Variants in MEGF8 observed in about 807,000 individuals in gnomAD.
MEGF8 encodes the protein multiple epidermal growth factor-like domains protein 8.
MEGF8 carries 156 observed loss-of-function variants against 302.9 expected under a neutral mutation model. The observed-to-expected ratio is 0.52, with a 90% CI of 0.45 to 0.59. The LOEUF (loss-of-function observed/expected upper bound fraction) is 0.59. Among genes scored for constraint, MEGF8 ranks in the 20% least tolerant of loss-of-function variants. The pLI is 0.00. For synonymous variants in MEGF8, 1,621 were observed against 1,660.5 expected, an observed-to-expected ratio of 0.98 and a Z score of 0.58; for missense variants, 3,345 against 3,964.5, an observed-to-expected ratio of 0.84 and a Z score of 4.20.
Position 42,368,587 on chromosome 19 carries a change from T to A in MEGF8, c.6406T>A (p.Cys2136Ser). The A allele has an allele frequency of 6.3e-7, 1 of 1,578,966 alleles. No individual in the cohort carries two copies. Residue 2136 changes from cysteine to serine, a missense_variant, in exon 36 of 42, where the codon TGC becomes AGC. Physicochemically the swap from Cys to Ser is moderately radical, Grantham distance 112. Coordinates refer to ENST00000251268, the MANE Select transcript of MEGF8 (RefSeq NM_001271938.2). The surrounding 1 kb of genome is among the most constrained non-coding windows in gnomAD (Gnocchi z 4.9). Reference sequence around the variant, plus strand: ...CGCCTTGTGCCTGCGGCGCCCCCATTGCGGCTGGTGTGCCTGGGGGGGCCA... The same window carrying A: ...CGCCTTGTGCCTGCGGCGCCCCCATAGCGGCTGGTGTGCCTGGGGGGGCCA... ...QCALCLRRPH[C>S]GWCAWGGQDG...
In MEGF8 at chr19:42,360,716, TG is replaced by T; in HGVS notation, c.5489-56del. The T allele has an allele frequency of 7.1e-6, 11 of 1,545,632 alleles. No homozygotes were observed. The South Asian group carries it at 1.2e-4, about 17-fold the overall frequency. The stretch of plus-strand genomic sequence containing the variant: ...TCCTTCTCTGACTGGCATCATGGTG[TG>T]GGTCTCTTCCTGGAGTCTCCTGCTC... On this transcript the variant is annotated intron_variant, in intron 31 of 41. Transcript: ENST00000251268.
At position 42,340,631 on chromosome 19, in the gene MEGF8, C is replaced by T. The variant is rs185986187; in HGVS notation, c.1514-2846C>T. On this transcript the variant is annotated intron_variant, in intron 8 of 41. Transcript: ENST00000251268. ...TGCTAGGATTATAAGCATGAGCCAC[C>T]GTGCCCGGCCAGGCATTATTATTAT... Among the ~76,000 whole-genome samples, 6 of 152,124 alleles carry T rather than the reference C, an allele frequency of 3.9e-5. No individual in the cohort carries two copies. The East Asian group carries it at 5.8e-4, about 15-fold the overall frequency.
At position 42,326,363 on chromosome 19, in the gene MEGF8, G is replaced by A. The variant is rs2038983612; in HGVS notation, c.120G>A (p.Ala40=). Residue 40 remains alanine, a synonymous_variant, in exon 1 of 42, where the codon GCG becomes GCA. Coordinates refer to ENST00000251268, the MANE Select transcript of MEGF8 (RefSeq NM_001271938.2). Reference sequence around the variant, plus strand: ...GGCAGCGGCAGGTGCTGCGGGAGGCGCCAGGCTTCGTGACGGATGGTGCGG... The same window carrying A: ...GGCAGCGGCAGGTGCTGCGGGAGGCACCAGGCTTCGTGACGGATGGTGCGG... ...CKGQRQVLRE[A]PGFVTDGAGN... is the part of the protein sequence containing the mutation. 1.3e-6 allele frequency: 2 copies of A among 1,587,874 alleles called. No individual in the cohort carries two copies. Among genetic ancestry groups the A allele is most frequent in the Admixed American group, 1.8e-5 (1 of 54,368 alleles).
chr19:42,362,244 C>T, intron 33 of MEGF8, 31 bp downstream of exon 33: 1 of 1,609,698 alleles, frequency 6.2e-7, no homozygotes, highest in Non-Finnish European at 8.5e-7. Context: ...GGATGAGAAG[C>T]AGCAGGTGTA....
Position 42,368,760 on chromosome 19 carries a change from T to C in MEGF8, c.6482-83T>C. 1 of 1,563,000 alleles carries C rather than the reference T, an allele frequency of 6.4e-7. No homozygotes were observed. Among genetic ancestry groups the C allele is most frequent in the Non-Finnish European group, 8.7e-7 (1 of 1,154,740 alleles). On this transcript the variant is annotated intron_variant, in intron 36 of 41. Coordinates refer to ENST00000251268, the MANE Select transcript of MEGF8 (RefSeq NM_001271938.2). This position sits in a 1 kb window ranked among gnomAD's most constrained non-coding sequence, Gnocchi z 4.9. ...ACTGGGCCAGACCCAGAGGTGGGGC[T>C]CAGAGGAGGCAGGAGGGAGGGCCTA...
At chr19:42,346,172 T>C (rs2039286144) in intron 12 of MEGF8, among the ~76,000 whole-genome samples, 1 of 152,180 alleles carries the variant, frequency 6.6e-6, no homozygotes, top group Admixed American at 6.5e-5. Context: ...AGTGCTGGGA[T>C]TACAGGCATG....
In MEGF8 at chr19:42,351,787, G is replaced by C. The variant is rs2039377939; in HGVS notation, c.3101+26G>C. On this transcript the variant is annotated intron_variant, in intron 18 of 41. Transcript: ENST00000251268. This position sits in a 1 kb window ranked among gnomAD's most constrained non-coding sequence, Gnocchi z 5.6. ...GTGAGCCCGGGCAGGTGGGTGGGCA[G>C]GGTGCCCGGCTGTGTCCTTCCTCCA... 2 of 1,542,154 alleles carry C rather than the reference G, an allele frequency of 1.3e-6. No individual in the cohort carries two copies. The highest frequency in any genetic ancestry group is 2.4e-5 in the East Asian group (1 of 41,112).
At chr19:42,359,311 C>T in intron 31 of MEGF8, 69 bp downstream of exon 31, 2 of 1,425,502 alleles carry the variant, frequency 1.4e-6, no homozygotes, top group Non-Finnish European at 1.9e-6. Context: ...CATCCTGGGA[C>T]TCCCACTCCT....
At position 42,359,091 on chromosome 19, in the gene MEGF8, C is replaced by T. The variant is rs777388351; in HGVS notation, c.5344-7C>T. The T allele has an allele frequency of 2.0e-6, 3 of 1,516,186 alleles. No homozygotes were observed. The highest frequency in any genetic ancestry group is 1.8e-6 in the Non-Finnish European group (2 of 1,129,660). The allele number at this position is 1,516,186 out of a possible 1,614,324, so 93.9% of individuals were successfully genotyped here. On this transcript the variant is annotated splice_polypyrimidine_tract_variant and splice_region_variant and intron_variant, in intron 30 of 41. Transcript: ENST00000251268. ...TCCTGTCCCCCCACCCCCCGTCTCC[C>T]CAACAGCCCCGCCCCCGGCTTTTCC...
chr19:42,335,437 G>A, intron 5 of MEGF8, 52 bp downstream of exon 5: 1 of 1,571,532 alleles, frequency 6.4e-7, no homozygotes, highest in Non-Finnish European at 8.7e-7. Context: ...ATCAGACCCA[G>A]CCGGGGACCC....
intron 12 of MEGF8, among the ~76,000 whole-genome samples, chr19:42,347,493 T>A (rs937151904): frequency 6.7e-6 from 1 of 150,126 alleles, no homozygotes; most frequent in Non-Finnish European, 1.5e-5. Flanking sequence ...GTTTTTTGTA[T>A]TTTTTTTGTT....
intron 13 of MEGF8, 86 bp downstream of exon 13, chr19:42,348,558 G>C (rs1054704669): frequency 1.0e-5 from 13 of 1,304,234 alleles, no homozygotes; most frequent in Non-Finnish European, 1.3e-5. Flanking sequence ...GTGATTTGAA[G>C]GTTCTGGGGA....
chr19:42,334,572 T>TA (rs1214118080), intron 3 of MEGF8, among the ~76,000 whole-genome samples: 1 of 152,086 alleles, frequency 6.6e-6, no homozygotes, highest in African/African-American at 2.4e-5. Flanking sequence ...CCACTGACCT[T>TA]ACGCCGAAGC....
chr19:42,350,221 T>A lies in MEGF8; in HGVS notation c.2573T>A (p.Leu858Ter). 6.2e-7 allele frequency: 1 copy of A among 1,613,512 alleles called. No homozygotes were observed. The highest frequency in any genetic ancestry group is 8.5e-7 in the Non-Finnish European group (1 of 1,179,868). Residue 858 changes from leucine to a stop codon, truncating the protein, a stop_gained, in exon 15 of 42, where the codon TTG becomes TAG. Coordinates refer to ENST00000251268, the MANE Select transcript of MEGF8 (RefSeq NM_001271938.2). LOFTEE classifies it high-confidence loss of function. ...CTSYSSCLGC[L>*]ADQGCGWCLT... ...TCCTATTCTTCCTGCCTGGGCTGCT[T>A]GGCAGACCAGGGCTGTGGCTGGTGC...
intron 12 of MEGF8, among the ~76,000 whole-genome samples, chr19:42,346,807 G>A (rs2039295444): frequency 6.6e-6 from 1 of 151,800 alleles, no homozygotes; most frequent in Admixed American, 6.6e-5. Context: ...ACACAGTGAA[G>A]CCCTGTCTCT....
Position 42,336,485 on chromosome 19 carries a change from T to A in MEGF8, c.1244+139T>A. 1 of 928,006 alleles carries A rather than the reference T, an allele frequency of 1.1e-6. No homozygotes were observed. The highest frequency in any genetic ancestry group is 2.7e-5 in the East Asian group (1 of 37,364). The allele number at this position is 928,006 out of a possible 1,614,324, so 57.5% of individuals were successfully genotyped here. A position where few individuals can be genotyped will look rare whatever the true frequency, so the allele number is the denominator to read the frequency against. ...ACTCCTTCCTTCATGTATTTACTTA[T>A]TCCTTCGTTCACTCATTCATTCATT... On this transcript the variant is annotated intron_variant, in intron 6 of 41. Coordinates refer to ENST00000251268, the MANE Select transcript of MEGF8 (RefSeq NM_001271938.2). This position sits in a 1 kb window ranked among gnomAD's most constrained non-coding sequence, Gnocchi z 4.8.
At chr19:42,367,085 T>A (rs377616699) in intron 35 of MEGF8, among the ~76,000 whole-genome samples, 2 of 152,304 alleles carry the variant, frequency 1.3e-5, no homozygotes, top group African/African-American at 4.8e-5. Flanking sequence ...GCCCAAGCAA[T>A]AAATAAAGTG....
chr19:42,362,901 C>G, intron 34 of MEGF8, 147 bp from the exon 35 acceptor site: 1 of 749,042 alleles, frequency 1.3e-6, no homozygotes, highest in Non-Finnish European at 2.2e-6. Flanking sequence ...GGCACCTGAT[C>G]TCTTGGGTCT....
chr19:42,347,643 C>A (rs1202134621), intron 12 of MEGF8, among the ~76,000 whole-genome samples: 1 of 152,134 alleles, frequency 6.6e-6, no homozygotes, highest in Non-Finnish European at 1.5e-5. Context: ...CAAGTGCACG[C>A]TACCACTCCC....
Sources: gnomAD v4.1 joint callset for allele counts (sites outside exome capture counted in the v4.1 genomes callset) on GRCh38, gnomAD v4.1.1 for gene constraint, Gnocchi (gnomAD v3.1) non-coding constraint, MANE v1.5 for transcripts, NCBI Gene and HGNC (gene_info 2026-07-23, HGNC 2026-07-21) for gene names.